TNIK: variants seen among roughly 807,000 people sequenced by gnomAD.
TNIK encodes the protein TRAF2 and NCK interacting kinase.
A neutral mutation model predicts 191.3 loss-of-function variants in TNIK; 49 were observed. That is an observed-to-expected ratio of 0.26 (90% CI 0.20 to 0.32). TNIK has a LOEUF of 0.32. TNIK is among the 10% of genes least tolerant of loss of function. The pLI is 1.00. For synonymous variants in TNIK, 594 were observed against 600.9 expected, an observed-to-expected ratio of 0.99 and a Z score of 0.17; for missense variants, 1,155 against 1,702.3, an observed-to-expected ratio of 0.68 and a Z score of 5.66.
intron 1 of TNIK, among the ~76,000 whole-genome samples, chr3:171,381,163 G>A (rs529742269): frequency 5.4e-4 from 82 of 152,090 alleles, no homozygotes; most frequent in Middle Eastern, 6.8e-3. Context: ...ATTTTGGAAC[G>A]GGGGATTTAT....
chr3:171,124,876 T>C (rs959162036), intron 17 of TNIK, among the ~76,000 whole-genome samples: 3 of 152,194 alleles, frequency 2.0e-5, no homozygotes, highest in Non-Finnish European at 2.9e-5. Flanking sequence ...AGCTTTTCCA[T>C]CTATTGTGTC....
chr3:171,275,205 C>T (rs1383322634), intron 2 of TNIK, among the ~76,000 whole-genome samples: 1 of 152,064 alleles, frequency 6.6e-6, no homozygotes, highest in Non-Finnish European at 1.5e-5. Flanking sequence ...ATTCAGACAC[C>T]AACTCATTCA....
intron 2 of TNIK, among the ~76,000 whole-genome samples, chr3:171,240,935 C>T (rs894959134): frequency 1.3e-5 from 2 of 152,104 alleles, no homozygotes; most frequent in Admixed American, 1.3e-4. Context: ...GATCAGTGCC[C>T]GCATGGTGGG....
chr3:171,117,603 C>T (rs1283611886), intron 18 of TNIK, among the ~76,000 whole-genome samples: 1 of 152,104 alleles, frequency 6.6e-6, no homozygotes, highest in Admixed American at 6.5e-5. Flanking sequence ...GAACTGCAGG[C>T]ATTGCCCAAT....
intron 12 of TNIK, among the ~76,000 whole-genome samples, chr3:171,150,881 G>T (rs1285550027): frequency 6.6e-6 from 1 of 152,166 alleles, no homozygotes; most frequent in Non-Finnish European, 1.5e-5. Flanking sequence ...AACAGGGAAG[G>T]TACATTAAGG....
At chr3:171,080,443 A>AT (rs200622198) in intron 27 of TNIK, among the ~76,000 whole-genome samples, 66 of 150,152 alleles carry the variant, frequency 4.4e-4, no homozygotes, top group African/African-American at 1.3e-3. Context: ...TTATTTATTT[A>AT]TTTTTTTTTG....
chr3:171,164,099 G>A (rs1376878828), intron 10 of TNIK, among the ~76,000 whole-genome samples: 1 of 152,200 alleles, frequency 6.6e-6, no homozygotes, highest in Non-Finnish European at 1.5e-5. Context: ...TGTGATTCTG[G>A]TGGCCCTAAG....
At chr3:171,401,337 C>T (rs1372274669) in intron 1 of TNIK, among the ~76,000 whole-genome samples, 3 of 152,126 alleles carry the variant, frequency 2.0e-5, no homozygotes, top group Non-Finnish European at 1.5e-5. Context: ...ACCAGCAGAC[C>T]TACTGAACGG....
intron 28 of TNIK, among the ~76,000 whole-genome samples, chr3:171,076,445 T>C (rs905855702): frequency 2.0e-5 from 3 of 152,220 alleles, no homozygotes; most frequent in Non-Finnish European, 4.4e-5. Flanking sequence ...TCACACATGA[T>C]TGGACCCACT....
intron 4 of TNIK, among the ~76,000 whole-genome samples, chr3:171,205,153 T>C (rs1177759658): frequency 6.6e-6 from 1 of 152,242 alleles, no homozygotes; most frequent in Non-Finnish European, 1.5e-5. Flanking sequence ...TGTACTGTTA[T>C]ATTCTATGAC....
chr3:171,350,320 T>C (rs937585999), intron 2 of TNIK, among the ~76,000 whole-genome samples: 4 of 152,200 alleles, frequency 2.6e-5, no homozygotes, highest in Non-Finnish European at 5.9e-5. Flanking sequence ...TCCGTATTTG[T>C]TGAATCTGAA....
At chr3:171,314,822 G>A (rs574765181) in intron 2 of TNIK, among the ~76,000 whole-genome samples, 1 of 152,266 alleles carries the variant, frequency 6.6e-6, no homozygotes, top group African/African-American at 2.4e-5. Context: ...AAGGATTCAG[G>A]AGGCAGAAGG....
In TNIK at chr3:171,066,220, T is replaced by G; in HGVS notation, c.3966A>C (p.Gln1322His). 2 of 1,613,888 alleles carry G rather than the reference T, an allele frequency of 1.2e-6. No individual in the cohort carries two copies. The highest frequency in any genetic ancestry group is 1.7e-6 in the Non-Finnish European group (2 of 1,179,880). The change falls in exon 32 of 33, where the codon CAA becomes CAC. Residue 1322 changes from glutamine (Q) to histidine (H), a missense_variant. Physicochemically the swap from Gln to His is conservative, Grantham distance 24. This residue lies in a region of TNIK where 195 missense variants were observed against 415.4 expected (regional missense o/e 0.47). Coordinates refer to ENST00000436636, the MANE Select transcript of TNIK (RefSeq NM_015028.4). ...TTCTTTCACATAGAAACTTTAACCT[T>G]TGAGCTCGCTTATGCATAAATACTC... ...LDGVFMHKRA[Q>H]RLKFLCERND... is the part of the protein sequence containing the mutation.
At chr3:171,430,662 A>AAAT (rs1553776849) in intron 1 of TNIK, among the ~76,000 whole-genome samples, 1 of 151,470 alleles carries the variant, frequency 6.6e-6, no homozygotes, top group African/African-American at 2.4e-5. Flanking sequence ...AAAAAAAAAA[A>AAAT]GAAATGAAAT....
At chr3:171,265,912 G>A (rs1305599065) in intron 2 of TNIK, among the ~76,000 whole-genome samples, 1 of 152,148 alleles carries the variant, frequency 6.6e-6, no homozygotes, top group Non-Finnish European at 1.5e-5. Flanking sequence ...ATCTGCAGTT[G>A]GCTGTTCAGT....
chr3:171,317,766 T>C (rs1754795224), intron 2 of TNIK, among the ~76,000 whole-genome samples: 1 of 152,202 alleles, frequency 6.6e-6, no homozygotes. Context: ...GATTGTGTTT[T>C]TCTGTTCACA....
chr3:171,097,966 T>C (rs182539485), intron 22 of TNIK, among the ~76,000 whole-genome samples: 1 of 152,114 alleles, frequency 6.6e-6, no homozygotes, highest in Non-Finnish European at 1.5e-5. Flanking sequence ...TATACTGATA[T>C]AAATGATGGA....
At chr3:171,180,385 C>G (rs572323427) in intron 7 of TNIK, among the ~76,000 whole-genome samples, 1 of 152,030 alleles carries the variant, frequency 6.6e-6, no homozygotes, top group African/African-American at 2.4e-5. Context: ...CTCTAACATA[C>G]GACATGTTTA....
At chr3:171,227,231 G>A (rs61792433) in intron 3 of TNIK, among the ~76,000 whole-genome samples, 4,494 of 152,180 alleles carry the variant, frequency 0.03, 101 homozygotes, top group South Asian at 0.071. Flanking sequence ...ACATTAGATT[G>A]TATTTAAAAT....
Sources: gnomAD v4.1 joint callset for allele counts (sites outside exome capture counted in the v4.1 genomes callset) on GRCh38, gnomAD v4.1.1 for gene constraint, gnomAD v4.1.1 regional missense constraint, MANE v1.5 for transcripts, NCBI Gene and HGNC (gene_info 2026-07-23, HGNC 2026-07-21) for gene names.